KIF6: variants seen among roughly 807,000 people sequenced by gnomAD.
KIF6 encodes kinesin family member 6.
Under a neutral mutation model 112.7 loss-of-function variants are expected in KIF6, and 106 were observed. The observed-to-expected ratio is 0.94, with a 90% CI of 0.80 to 1.11. KIF6 has a LOEUF of 1.11. KIF6 is among the 50% of genes least tolerant of loss of function. The probability of loss-of-function intolerance (pLI) is 0.00; values close to 1 mark genes in which losing one functional copy is unlikely to be tolerated. For synonymous variants in KIF6, 339 were observed against 339.9 expected, an observed-to-expected ratio of 1.00 and a Z score of 0.03; for missense variants, 929 against 964.0, an observed-to-expected ratio of 0.96 and a Z score of 0.48.
chr6:39,702,518 AAT>A (rs1435127467), intron 3 of KIF6, among the ~76,000 whole-genome samples: 2 of 152,204 alleles, frequency 1.3e-5, no homozygotes, highest in African/African-American at 4.8e-5. Context: ...ATGCTTGCCC[AAT>A]ATGTCTCTCA....
intron 1 of KIF6, among the ~76,000 whole-genome samples, chr6:39,722,081 T>C (rs1485494893): frequency 6.6e-6 from 1 of 152,038 alleles, no homozygotes; most frequent in Non-Finnish European, 1.5e-5. Flanking sequence ...TGGCATCAGG[T>C]TCAAGGCTTT....
intron 7 of KIF6, among the ~76,000 whole-genome samples, chr6:39,587,428 G>A (rs1310867139): frequency 6.6e-6 from 1 of 152,162 alleles, no homozygotes; most frequent in Non-Finnish European, 1.5e-5. Flanking sequence ...TCTGAAGGCT[G>A]TTTTAAGCAA....
intron 5 of KIF6, among the ~76,000 whole-genome samples, chr6:39,621,558 G>C (rs1561871624): frequency 6.6e-6 from 1 of 152,182 alleles, no homozygotes; most frequent in Non-Finnish European, 1.5e-5. Flanking sequence ...ATGTATTTAA[G>C]TTCCTTGTTC....
chr6:39,487,502 T>C (rs1775189113), intron 13 of KIF6, among the ~76,000 whole-genome samples: 1 of 152,236 alleles, frequency 6.6e-6, no homozygotes, highest in Non-Finnish European at 1.5e-5. Context: ...AGGCCTTTAT[T>C]GAGACAGCTT....
At chr6:39,586,781 T>C (rs1781661993) in intron 7 of KIF6, among the ~76,000 whole-genome samples, 1 of 152,174 alleles carries the variant, frequency 6.6e-6, no homozygotes, top group African/African-American at 2.4e-5. Context: ...TGTACACCAG[T>C]AAGCAAGAAC....
intron 15 of KIF6, among the ~76,000 whole-genome samples, chr6:39,402,255 C>G (rs1470184468): frequency 6.6e-6 from 1 of 152,090 alleles, no homozygotes; most frequent in South Asian, 2.1e-4. Context: ...GTCAACCAAC[C>G]CTGGCAGAGG....
intron 22 of KIF6, among the ~76,000 whole-genome samples, chr6:39,337,203 C>CTTTCTTTCTTTCT (rs1562102708): frequency 3.2e-5 from 3 of 93,406 alleles, no homozygotes; most frequent in Non-Finnish European, 5.6e-5. Context: ...TTCTTTCTTT[C>CTTTCTTTCTTTCT]TTTCTTTCTT....
chr6:39,507,448 C>T (rs958990428), intron 13 of KIF6, among the ~76,000 whole-genome samples: 2 of 152,130 alleles, frequency 1.3e-5, no homozygotes, highest in Admixed American at 6.5e-5. Context: ...AGGTCCTGAC[C>T]TTCCTAATAG....
intron 5 of KIF6, 135 bp downstream of exon 5, chr6:39,634,714 T>C (rs957327148): frequency 8.9e-6 from 6 of 673,876 alleles, no homozygotes; most frequent in Non-Finnish European, 1.6e-5. Context: ...AAATCCATTA[T>C]ATTACAAAAA....
intron 3 of KIF6, among the ~76,000 whole-genome samples, chr6:39,680,977 A>G (rs1787477488): frequency 6.6e-6 from 1 of 152,332 alleles, no homozygotes; most frequent in South Asian, 2.1e-4. Flanking sequence ...AAGGCCATGT[A>G]TCAAGTACTT....
chr6:39,553,654 G>A (rs34720944), intron 10 of KIF6, among the ~76,000 whole-genome samples: 38,535 of 152,120 alleles, frequency 0.25, 6,223 homozygotes, highest in African/African-American at 0.45. Context: ...AAAGTTATAC[G>A]ATTGATTTTG....
At chr6:39,567,699 T>C (rs368567168) in intron 10 of KIF6, among the ~76,000 whole-genome samples, 2 of 151,872 alleles carry the variant, frequency 1.3e-5, no homozygotes, top group Admixed American at 1.3e-4. Context: ...GCTCCGCCTC[T>C]TGGGTTCACA....
chr6:39,560,117 C>T (rs1779933744), intron 10 of KIF6, among the ~76,000 whole-genome samples: 1 of 152,192 alleles, frequency 6.6e-6, no homozygotes, highest in Admixed American at 6.5e-5. Flanking sequence ...CCGGTGGGTG[C>T]TCACTGCTGG....
At chr6:39,387,698 A>C (rs775781653) in intron 15 of KIF6, among the ~76,000 whole-genome samples, 6 of 152,148 alleles carry the variant, frequency 3.9e-5, no homozygotes, top group Non-Finnish European at 7.4e-5. Context: ...TTCCCTACTC[A>C]GTGCAATTTG....
chr6:39,603,438 A>C (rs571335396), intron 6 of KIF6, among the ~76,000 whole-genome samples: 2 of 152,110 alleles, frequency 1.3e-5, no homozygotes, highest in South Asian at 4.1e-4. Context: ...TATGGTAAAA[A>C]ACCTCAAATC....
intron 13 of KIF6, among the ~76,000 whole-genome samples, chr6:39,485,924 C>T (rs1226953495): frequency 6.6e-6 from 1 of 152,112 alleles, no homozygotes; most frequent in Admixed American, 6.5e-5. Flanking sequence ...ATATATTATC[C>T]CCATTTCATA....
chr6:39,565,055 T>A (rs1780208028), intron 10 of KIF6, among the ~76,000 whole-genome samples: 1 of 152,246 alleles, frequency 6.6e-6, no homozygotes, highest in Non-Finnish European at 1.5e-5. Flanking sequence ...AGAAGAGAGC[T>A]GAAAAATAAA....
intron 5 of KIF6, among the ~76,000 whole-genome samples, chr6:39,628,984 C>T (rs1263054844): frequency 6.6e-6 from 1 of 152,078 alleles, no homozygotes; most frequent in Non-Finnish European, 1.5e-5. Context: ...TACATTTTCT[C>T]CATGTCTTTT....
intron 13 of KIF6, among the ~76,000 whole-genome samples, chr6:39,474,008 C>T (rs865916641): frequency 2.0e-5 from 3 of 152,088 alleles, no homozygotes; most frequent in Non-Finnish European, 4.4e-5. Flanking sequence ...CTGGAAAATC[C>T]GATCCCCGAA....
Sources: gnomAD v4.1 joint callset for allele counts (sites outside exome capture counted in the v4.1 genomes callset) on GRCh38, gnomAD v4.1.1 for gene constraint, MANE v1.5 for transcripts, NCBI Gene and HGNC (gene_info 2026-07-23, HGNC 2026-07-21) for gene names.